PCCA: variants seen among roughly 807,000 people sequenced by gnomAD.
PCCA encodes the protein propionyl-CoA carboxylase alpha chain, mitochondrial.
Under a neutral mutation model 101.3 loss-of-function variants are expected in PCCA, and 74 were observed. The observed-to-expected ratio is 0.73, with a 90% CI of 0.61 to 0.89. The LOEUF (loss-of-function observed/expected upper bound fraction) is 0.89, where lower values mean the gene tolerates loss of function less well. Ranked by LOEUF, PCCA falls within the 40% of genes least tolerant of loss-of-function variation. PCCA has a pLI of 0.00. For synonymous variants in PCCA, 294 were observed against 313.6 expected, an observed-to-expected ratio of 0.94 and a Z score of 0.66; for missense variants, 891 against 907.0, an observed-to-expected ratio of 0.98 and a Z score of 0.23.
At chr13:100,430,100 A>AC (rs1313169419) in intron 20 of PCCA, among the ~76,000 whole-genome samples, 1 of 149,698 alleles carries the variant, frequency 6.7e-6, no homozygotes, top group Non-Finnish European at 1.5e-5. Context: ...ACGTGGAGAA[A>AC]CCCCGTCTCT....
At chr13:100,433,465 C>T (rs2079700110) in intron 20 of PCCA, among the ~76,000 whole-genome samples, 1 of 151,760 alleles carries the variant, frequency 6.6e-6, no homozygotes, top group African/African-American at 2.4e-5. Context: ...ACAAGTGGCA[C>T]TTTTTTCAGT....
At chr13:100,243,036 C>T (rs1353004763) in intron 8 of PCCA, among the ~76,000 whole-genome samples, 2 of 152,150 alleles carry the variant, frequency 1.3e-5, no homozygotes, top group Non-Finnish European at 2.9e-5. Flanking sequence ...GCTGGGACTA[C>T]AGGCATGCAC....
chr13:100,290,217 C>CT (rs572050362), intron 12 of PCCA, among the ~76,000 whole-genome samples: 9 of 150,906 alleles, frequency 6.0e-5, no homozygotes, highest in South Asian at 2.1e-4. Flanking sequence ...CTCTCTCTCT[C>CT]TTTTTTTTTC....
intron 4 of PCCA, among the ~76,000 whole-genome samples, chr13:100,120,140 G>A (rs1364493755): frequency 6.6e-6 from 1 of 151,360 alleles, no homozygotes; most frequent in Non-Finnish European, 1.5e-5. Context: ...TGGGATTACA[G>A]GTTTGAGCCA....
intron 7 of PCCA, among the ~76,000 whole-genome samples, chr13:100,212,921 ACT>A (rs2059307011): frequency 1.3e-5 from 2 of 150,012 alleles, no homozygotes; most frequent in Admixed American, 1.3e-4. Flanking sequence ...TCATCATTCT[ACT>A]CTCTATCACT....
chr13:100,298,414 A>G (rs1470601472), intron 12 of PCCA, among the ~76,000 whole-genome samples: 2 of 152,178 alleles, frequency 1.3e-5, no homozygotes, highest in East Asian at 3.9e-4. Flanking sequence ...GAAGTGACAC[A>G]GAAACCTTTT....
intron 21 of PCCA, among the ~76,000 whole-genome samples, chr13:100,497,004 C>G (rs2085324684): frequency 6.6e-6 from 1 of 152,204 alleles, no homozygotes; most frequent in African/African-American, 2.4e-5. Context: ...AGTACAAGTG[C>G]ACTTGTTCTC....
chr13:100,199,256 A>G (rs541805989), intron 6 of PCCA, among the ~76,000 whole-genome samples: 126 of 152,242 alleles, frequency 8.3e-4, no homozygotes, highest in Non-Finnish European at 1.6e-3. Flanking sequence ...CTCTCTAAAC[A>G]TACCCATTCC....
At chr13:100,156,387 T>C (rs1474138136) in intron 5 of PCCA, among the ~76,000 whole-genome samples, 1 of 152,210 alleles carries the variant, frequency 6.6e-6, no homozygotes, top group African/African-American at 2.4e-5. Context: ...CATTTAAAAG[T>C]CGCTGATACG....
chr13:100,256,326 C>T (rs530708800), intron 8 of PCCA, among the ~76,000 whole-genome samples: 1 of 152,216 alleles, frequency 6.6e-6, no homozygotes, highest in Non-Finnish European at 1.5e-5. Context: ...TCTGATAATA[C>T]ACTTTTCTTA....
chr13:100,353,140 T>C (rs1369438305), intron 18 of PCCA, among the ~76,000 whole-genome samples: 3 of 152,136 alleles, frequency 2.0e-5, no homozygotes, highest in Non-Finnish European at 2.9e-5. Flanking sequence ...TTCCCAAATA[T>C]GTGAAGCAAA....
intron 17 of PCCA, among the ~76,000 whole-genome samples, chr13:100,334,588 G>A (rs751726843): frequency 4.6e-5 from 7 of 152,132 alleles, no homozygotes; most frequent in Admixed American, 1.3e-4. Context: ...TGAATTAGAG[G>A]AGAAAGACTT....
At chr13:100,138,934 C>CAAAAAA (rs34466523) in intron 4 of PCCA, among the ~76,000 whole-genome samples, 5 of 83,046 alleles carry the variant, frequency 6.0e-5, no homozygotes, top group Non-Finnish European at 9.2e-5. Context: ...AACTCCATCT[C>CAAAAAA]AAAAAAAAAA....
intron 4 of PCCA, among the ~76,000 whole-genome samples, chr13:100,139,755 G>T (rs1473155021): frequency 6.6e-6 from 1 of 152,106 alleles, no homozygotes. Flanking sequence ...CCCTGTAAGA[G>T]ATTTACTTGG....
rs35931512 is a variant in PCCA at position 100,321,591 on chromosome 13, C to CTGTGTGTG, written c.1430-8932_1430-8925dup. Among the ~76,000 whole-genome samples, 75 of 132,012 alleles carry CTGTGTGTG rather than the reference C, an allele frequency of 5.7e-4. 1 individual carries two copies. Among genetic ancestry groups the CTGTGTGTG allele is most frequent in the African/African-American group, 1.9e-3 (65 of 34,814 alleles). The allele number at this position is 132,012 out of a possible 152,430, so 86.6% of individuals were successfully genotyped here. Reference sequence around the variant, plus strand: ...CTCATGGGCATGCGCTATAGAAGATCTGTGTGTGTGTGTGTGTGTGTGTGT... The same window carrying CTGTGTGTG: ...CTCATGGGCATGCGCTATAGAAGATCTGTGTGTGTGTGTGTGTGTGTGTGTGTGTGTGT... On this transcript the variant is annotated intron_variant, in intron 16 of 23. Transcript: ENST00000376285.
intron 19 of PCCA, among the ~76,000 whole-genome samples, chr13:100,403,105 T>G (rs1269213935): frequency 1.3e-5 from 2 of 151,746 alleles, no homozygotes; most frequent in African/African-American, 4.9e-5. Context: ...TCTATCGAAG[T>G]GAATACAACT....
intron 22 of PCCA, among the ~76,000 whole-genome samples, chr13:100,516,245 G>C (rs1345722540): frequency 1.3e-5 from 2 of 152,156 alleles, no homozygotes; most frequent in Non-Finnish European, 2.9e-5. Context: ...AGATTTCCAG[G>C]TACACTTAAA....
chr13:100,111,972 C>T, intron 3 of PCCA, 21 bp from the exon 4 acceptor site: 2 of 1,543,754 alleles, frequency 1.3e-6, no homozygotes, highest in East Asian at 2.3e-5. Flanking sequence ...TATTAATAGA[C>T]ATTAATATAT....
chr13:100,296,776 T>C (rs1251582513), intron 12 of PCCA, among the ~76,000 whole-genome samples: 1 of 152,210 alleles, frequency 6.6e-6, no homozygotes, highest in African/African-American at 2.4e-5. Flanking sequence ...AATTTTCTTA[T>C]GTAACTATAG....
Sources: allele counts gnomAD v4.1 joint callset (sites outside exome capture counted in the v4.1 genomes callset), GRCh38; gene constraint gnomAD v4.1.1; transcripts MANE v1.5; gene names NCBI Gene and HGNC (gene_info 2026-07-23, HGNC 2026-07-21).